Variants in DPYD observed in about 807,000 individuals in gnomAD.
DPYD encodes dihydropyrimidine dehydrogenase, also known as dihydropyrimidine dehydrogenase [NADP(+)].
DPYD carries 109 observed loss-of-function variants against 116.2 expected under a neutral mutation model. The observed-to-expected ratio is 0.94, with a 90% confidence interval of 0.80 to 1.10. The LOEUF (loss-of-function observed/expected upper bound fraction) is 1.10. Among genes scored for constraint, DPYD ranks in the 50% least tolerant of loss-of-function variants. The probability of loss-of-function intolerance (pLI) is 0.00; values close to 1 mark genes in which losing one functional copy is unlikely to be tolerated. For missense variants in DPYD, 1,302 were observed against 1,254.5 expected, an observed-to-expected ratio of 1.04 and a Z score of -0.57; for synonymous variants, 440 against 432.0, an observed-to-expected ratio of 1.02 and a Z score of -0.23.
chr1:97,294,760 T>C (rs975594759), intron 18 of DPYD, among the ~76,000 whole-genome samples: 53 of 152,188 alleles, frequency 3.5e-4, no homozygotes, highest in African/African-American at 1.2e-3. Context: ...ATGCTTACAC[T>C]TCAAGAAAAA....
At chr1:97,429,064 G>A (rs1675030976) in intron 14 of DPYD, among the ~76,000 whole-genome samples, 1 of 151,922 alleles carries the variant, frequency 6.6e-6, no homozygotes, top group Non-Finnish European at 1.5e-5. Context: ...CATTAGACAT[G>A]AATTTGTATT....
rs150027933 is a variant in DPYD, at chr1:97,193,455, T to A, written c.2443-207A>T. Reference sequence around the variant, plus strand: ...AAATTTCCAGGGACAATGAACATTTTTCATAAACTTGCAATGGTAATGGTG... The same window carrying A: ...AAATTTCCAGGGACAATGAACATTTATCATAAACTTGCAATGGTAATGGTG... On this transcript the variant is annotated intron_variant, in intron 19 of 22. Transcript: ENST00000370192. 6.4e-3 allele frequency among the ~76,000 whole-genome samples: 974 copies of A among 152,252 alleles called. 4 individuals are homozygous for A. Among genetic ancestry groups the A allele is most frequent in the Middle Eastern group, 0.017 (5 of 294 alleles).
intron 3 of DPYD, among the ~76,000 whole-genome samples, chr1:97,818,596 A>G (rs1668755588): frequency 6.6e-6 from 1 of 152,022 alleles, no homozygotes; most frequent in Admixed American, 6.6e-5. Context: ...AACAGCTAAT[A>G]TAATTGTTTT....
At chr1:97,609,731 G>C (rs552341966) in intron 8 of DPYD, among the ~76,000 whole-genome samples, 1 of 152,066 alleles carries the variant, frequency 6.6e-6, no homozygotes, top group East Asian at 1.9e-4. Flanking sequence ...TATTGTTAGA[G>C]AGAGAAAAAG....
chr1:97,812,935 C>T (rs1209858877), intron 3 of DPYD, among the ~76,000 whole-genome samples: 2 of 152,040 alleles, frequency 1.3e-5, no homozygotes, highest in Non-Finnish European at 2.9e-5. Flanking sequence ...ACTGAAAGAA[C>T]AATCAATTCT....
At chr1:97,143,817 T>C (rs1433112845) in intron 20 of DPYD, among the ~76,000 whole-genome samples, 1 of 152,174 alleles carries the variant, frequency 6.6e-6, no homozygotes, top group Admixed American at 6.6e-5. Flanking sequence ...CCATTTCTTA[T>C]ATCTCATCTT....
At chr1:97,318,054 C>A (rs1667972691) in intron 16 of DPYD, among the ~76,000 whole-genome samples, 1 of 148,168 alleles carries the variant, frequency 6.7e-6, no homozygotes, top group Admixed American at 6.9e-5. Context: ...ACCACCAGGC[C>A]TGCCCTAAAA....
chr1:97,421,073 C>T (rs1305250787), intron 14 of DPYD, among the ~76,000 whole-genome samples: 1 of 152,088 alleles, frequency 6.6e-6, no homozygotes, highest in African/African-American at 2.4e-5. Context: ...GTCTTACGGC[C>T]TATATATTAT....
chr1:97,195,634 G>GTATGTGTATGTA (rs1557929548), intron 19 of DPYD, among the ~76,000 whole-genome samples: 1 of 57,734 alleles, frequency 1.7e-5, no homozygotes, highest in African/African-American at 6.3e-5. Context: ...ATATGTATGT[G>GTATGTGTATGTA]TATATATATA....
At chr1:97,798,523 A>G (rs1667694392) in intron 3 of DPYD, among the ~76,000 whole-genome samples, 1 of 151,928 alleles carries the variant, frequency 6.6e-6, no homozygotes, top group African/African-American at 2.4e-5. Flanking sequence ...TAGATTTGCA[A>G]TATTTGTTAA....
chr1:97,728,770 T>C (rs1281691570), intron 4 of DPYD, among the ~76,000 whole-genome samples: 2 of 152,082 alleles, frequency 1.3e-5, no homozygotes, highest in Non-Finnish European at 2.9e-5. Flanking sequence ...ATTAATTGAA[T>C]AGAAAATGTC....
At position 97,593,341 on chromosome 1, in the gene DPYD, C is replaced by T. The variant is rs866975907; in HGVS notation, c.1005G>A (p.Val335=). The T allele has an allele frequency of 6.2e-7, 1 of 1,614,146 alleles. No homozygotes were observed. Among genetic ancestry groups the T allele is most frequent in the Non-Finnish European group, 8.5e-7 (1 of 1,180,008 alleles). Residue 335 remains valine, a synonymous_variant, in exon 10 of 23, where the codon GTG becomes GTA. Transcript: ENST00000370192. ...CAGTGTCTCCAGCTCCAAGTACAAT[C>T]ACGACTCCCCGTATCGATGGCAATG... ...HSPLPSIRGV[V]IVLGAGDTAF... is the part of the protein sequence containing the mutation.
Position 97,512,643 on chromosome 1 carries a change from T to C in DPYD, c.1740+3083A>G, listed in dbSNP as rs1647891222. Among the ~76,000 whole-genome samples the C allele has an allele frequency of 1.3e-5, 2 of 151,830 alleles. 1 individual carries two copies. Among genetic ancestry groups the C allele is most frequent in the South Asian group, 4.1e-4 (2 of 4,826 alleles). ...TATAATGTGAACACAGGTCAAGGGGTTATTTTATGTGAAGTCCAAACCATT... is the reference window on the plus strand; with the variant it reads ...TATAATGTGAACACAGGTCAAGGGGCTATTTTATGTGAAGTCCAAACCATT... On this transcript the variant is annotated intron_variant, in intron 13 of 22. Coordinates refer to ENST00000370192, the MANE Select transcript of DPYD (RefSeq NM_000110.4).
chr1:97,382,177 A>C (rs534136160), intron 15 of DPYD, among the ~76,000 whole-genome samples: 1 of 152,322 alleles, frequency 6.6e-6, no homozygotes, highest in Non-Finnish European at 1.5e-5. Flanking sequence ...TGTGAAATCC[A>C]AGGGACCGCT....
In DPYD at chr1:97,269,677, G is replaced by A. The variant is rs75662714; in HGVS notation, c.2300-34683C>T. Among the ~76,000 whole-genome samples the A allele has an allele frequency of 7.0e-3, 1,063 of 152,112 alleles. 21 individuals carry two copies. Among genetic ancestry groups the A allele is most frequent in the African/African-American group, 0.024 (991 of 41,482 alleles). On this transcript the variant is annotated intron_variant, in intron 18 of 22. Coordinates refer to ENST00000370192, the MANE Select transcript of DPYD (RefSeq NM_000110.4). ...TTGGAGATGGCTGCTTTCTCACTGC[G>A]TCCTCACTCACATGGTAGAGAGAGA...
In DPYD at chr1:97,195,622, G is replaced by A. The variant is rs1374652869; in HGVS notation, c.2443-2374C>T. On this transcript the variant is annotated intron_variant, in intron 19 of 22. Transcript: ENST00000370192. ...TGTGTGTGTGTATATATATGTATGT[G>A]TATATGTATGTGTATATATATATAT... 1.8e-4 allele frequency among the ~76,000 whole-genome samples: 14 copies of A among 77,360 alleles called. 1 individual carries two copies. Among genetic ancestry groups the A allele is most frequent in the South Asian group, 1.4e-3 (3 of 2,160 alleles). 50.8% of individuals were successfully genotyped at this position (77,360 alleles called of 152,430 possible). A position where few individuals can be genotyped will look rare whatever the true frequency, so the allele number is the denominator to read the frequency against.
chr1:97,559,458 T>G (rs956312260), intron 11 of DPYD, among the ~76,000 whole-genome samples: 2 of 152,170 alleles, frequency 1.3e-5, no homozygotes, highest in Admixed American at 6.5e-5. Context: ...TGACTAATTA[T>G]GTATCCATGT....
chr1:97,349,682 A>T (rs12047456), intron 16 of DPYD, among the ~76,000 whole-genome samples: 23,925 of 151,986 alleles, frequency 0.16, 2,041 homozygotes, highest in East Asian at 0.29. Flanking sequence ...GAACTCATCA[A>T]TTTTTATGGC....
intron 3 of DPYD, among the ~76,000 whole-genome samples, chr1:97,814,620 G>T (rs1006052777): frequency 1.3e-5 from 2 of 152,108 alleles, no homozygotes; most frequent in Admixed American, 1.3e-4. Context: ...AATAACTAAA[G>T]ATGATGCTAC....
Sources: allele counts gnomAD v4.1 joint callset (sites outside exome capture counted in the v4.1 genomes callset), GRCh38; gene constraint gnomAD v4.1.1; transcripts MANE v1.5; gene names NCBI Gene and HGNC (gene_info 2026-07-23, HGNC 2026-07-21).